Variants in DSTYK observed in about 807,000 individuals in gnomAD.
The protein encoded by DSTYK is dual serine/threonine and tyrosine protein kinase.
In DSTYK, 34 loss-of-function variants were observed where a neutral mutation model predicts 98.7. The ratio of observed to expected loss-of-function variants is 0.34; its 90% CI spans 0.26 to 0.46. The LOEUF (loss-of-function observed/expected upper bound fraction) is 0.46. Among genes scored for constraint, DSTYK ranks in the 20% least tolerant of loss-of-function variants. DSTYK has a pLI of 1.00. For missense variants in DSTYK, 962 were observed against 1,181.7 expected, an observed-to-expected ratio of 0.81 and a Z score of 2.73; for synonymous variants, 462 against 457.3, an observed-to-expected ratio of 1.01 and a Z score of -0.13.
At chr1:205,148,010 G>A (rs933356983) in intron 12 of DSTYK, among the ~76,000 whole-genome samples, 195 bp downstream of exon 12, 2 of 152,112 alleles carry the variant, frequency 1.3e-5, no homozygotes, top group African/African-American at 2.4e-5. Context: ...AAGACTTTTC[G>A]AGATAGTTCA....
In DSTYK at chr1:205,211,681, G is replaced by A. The variant is rs1659392565; in HGVS notation, c.-146C>T. 8.6e-7 allele frequency: 1 copy of A among 1,160,728 alleles called. No homozygotes were observed. Among genetic ancestry groups the A allele is most frequent in the Non-Finnish European group, 1.2e-6 (1 of 868,522 alleles). The allele number at this position is 1,160,728 out of a possible 1,614,324, so 71.9% of individuals were successfully genotyped here. A position where few individuals can be genotyped will look rare whatever the true frequency, so the allele number is the denominator to read the frequency against. On this transcript the variant is annotated 5_prime_UTR_variant, in exon 1 of 13. Coordinates refer to ENST00000367162, the MANE Select transcript of DSTYK (RefSeq NM_015375.3). ...AGCCTGGCTCCCAACCTCCGTCACT[G>A]CCGTTGCAAACAAACCAAACCGCAG...
intron 1 of DSTYK, among the ~76,000 whole-genome samples, chr1:205,191,484 T>C (rs1391999468): frequency 6.6e-6 from 1 of 152,210 alleles, no homozygotes; most frequent in Non-Finnish European, 1.5e-5. Flanking sequence ...CTTGAAATGC[T>C]CGTCGGTAAA....
At chr1:205,152,483 T>C (rs762712037) in intron 10 of DSTYK, among the ~76,000 whole-genome samples, 1 of 152,200 alleles carries the variant, frequency 6.6e-6, no homozygotes, top group Admixed American at 6.5e-5. Context: ...GGCCAGTCCA[T>C]TATAATCTTA....
In DSTYK at chr1:205,151,215, C is replaced by G. The variant is rs1657392759; in HGVS notation, c.2353-421G>C. Among the ~76,000 whole-genome samples, 4 of 152,096 alleles carry G rather than the reference C, an allele frequency of 2.6e-5. No homozygotes were observed. In the South Asian group the frequency reaches 8.3e-4, roughly 32 times the overall value. On this transcript the variant is annotated intron_variant, in intron 10 of 12. Coordinates refer to ENST00000367162, the MANE Select transcript of DSTYK (RefSeq NM_015375.3). ...GAAGTGGAAGTTGCTCTGGGTGAGT[C>G]AGTGAGTGAGTGGTGAGTGAATGTG...
chr1:205,162,846 G>T, intron 5 of DSTYK, 77 bp downstream of exon 5: 1 of 1,120,262 alleles, frequency 8.9e-7, no homozygotes, highest in Non-Finnish European at 1.4e-6. Flanking sequence ...CTAGATATCT[G>T]TTTCCTACTG....
chr1:205,165,896 C>T (rs536764606), intron 3 of DSTYK, among the ~76,000 whole-genome samples: 2 of 152,174 alleles, frequency 1.3e-5, no homozygotes, highest in African/African-American at 4.8e-5. Flanking sequence ...ATGGTGCACA[C>T]CTTTAGACCC....
intron 3 of DSTYK, among the ~76,000 whole-genome samples, chr1:205,164,570 TC>T (rs1375075541): frequency 6.6e-6 from 1 of 151,762 alleles, no homozygotes; most frequent in African/African-American, 2.4e-5. Flanking sequence ...CAAGCCATTC[TC>T]CTGCCTCAGC....
rs761772024 is a variant in DSTYK, at chr1:205,211,329, G to A, written c.207C>T (p.Gly69=). 1 of 1,611,094 alleles carries A rather than the reference G, an allele frequency of 6.2e-7. No homozygotes were observed. The highest frequency in any genetic ancestry group is 8.5e-7 in the Non-Finnish European group (1 of 1,178,886). ...HNHTCLSSLT[G]GGGAERGPAG... Reference sequence around the variant, plus strand: ...CAGGGCCGCGCTCGGCCCCGCCGCCGCCCGTGAGGGAGGAGAGACAAGTGT... The same window carrying A: ...CAGGGCCGCGCTCGGCCCCGCCGCCACCCGTGAGGGAGGAGAGACAAGTGT... Residue 69 remains glycine (G), a synonymous_variant, in exon 1 of 13, where the codon GGC becomes GGT. Transcript: ENST00000367162.
intron 3 of DSTYK, among the ~76,000 whole-genome samples, chr1:205,164,523 G>A (rs925135115): frequency 6.7e-6 from 1 of 149,668 alleles, no homozygotes; most frequent in Non-Finnish European, 1.5e-5. Flanking sequence ...GTGGAGTGAT[G>A]CAATCTCGGC....
rs761772024 is a variant in DSTYK, at chr1:205,211,329, G to T, written c.207C>A (p.Gly69=). 10 of 1,611,094 alleles carry T rather than the reference G, an allele frequency of 6.2e-6. No homozygotes were observed. In the African/African-American group the frequency reaches 9.4e-5, roughly 15 times the overall value. The part of the protein sequence containing the change: ...HNHTCLSSLT[G]GGGAERGPAG... Reference sequence around the variant, plus strand: ...CAGGGCCGCGCTCGGCCCCGCCGCCGCCCGTGAGGGAGGAGAGACAAGTGT... The same window carrying T: ...CAGGGCCGCGCTCGGCCCCGCCGCCTCCCGTGAGGGAGGAGAGACAAGTGT... The change falls in exon 1 of 13, where the codon GGC becomes GGA. Residue 69 remains glycine, a synonymous_variant. Transcript: ENST00000367162.
rs756021271 is a variant in DSTYK, at chr1:205,169,852, A to G, written c.655-20T>C. On this transcript the variant is annotated intron_variant, in intron 2 of 12. Coordinates refer to ENST00000367162, the MANE Select transcript of DSTYK (RefSeq NM_015375.3). This position sits in a 1 kb window ranked among gnomAD's most constrained non-coding sequence, Gnocchi z 4.0. ...CACTTCCTGGAAGGGGAAGGGGGTC[A>G]TATATCAGCGCCTCAGGGTCAGAAC... 1.3e-6 allele frequency: 2 copies of G among 1,593,012 alleles called. No individual in the cohort carries two copies. The highest frequency in any genetic ancestry group is 1.7e-6 in the Non-Finnish European group (2 of 1,171,134).
chr1:205,182,161 G>GTT (rs1447287391), intron 2 of DSTYK, among the ~76,000 whole-genome samples: 1 of 152,014 alleles, frequency 6.6e-6, no homozygotes. Context: ...AGCACTTTGG[G>GTT]AGGCCGAGGC....
At chr1:205,177,898 ACT>A (rs1271960435) in intron 2 of DSTYK, among the ~76,000 whole-genome samples, 1 of 151,770 alleles carries the variant, frequency 6.6e-6, no homozygotes, top group African/African-American at 2.4e-5. Context: ...AAATACCTTG[ACT>A]CTTTTTGGTA....
rs1450684140 is a variant in DSTYK, at chr1:205,161,361, T to C, written c.1845A>G (p.Leu615=). 1.2e-6 allele frequency: 2 copies of C among 1,614,060 alleles called. No homozygotes were observed. The highest frequency in any genetic ancestry group is 2.2e-5 in the East Asian group (1 of 44,894). The change falls in exon 7 of 13, where the codon TTA becomes TTG. Residue 615 remains leucine, a synonymous_variant. Coordinates refer to ENST00000367162, the MANE Select transcript of DSTYK (RefSeq NM_015375.3). ...RQLEAGHSGR[L]EKTEDLWLRV... ...TCAGCCATAGATCTTCCGTTTTCTCTAACCGGCCTGAGTGGCCAGCTTCCA... is the reference window on the plus strand; with the variant it reads ...TCAGCCATAGATCTTCCGTTTTCTCCAACCGGCCTGAGTGGCCAGCTTCCA...
Position 205,145,933 on chromosome 1 carries a change from C to T in DSTYK, c.*1625G>A, listed in dbSNP as rs1657218425. 6.6e-6 allele frequency: 1 copy of T among 152,110 alleles called. No homozygotes were observed. The highest frequency in any genetic ancestry group is 2.4e-5 in the African/African-American group (1 of 41,412). The allele number at this position is 152,110 out of a possible 1,614,324, so 9.4% of individuals were successfully genotyped here. On this transcript the variant is annotated 3_prime_UTR_variant, in exon 13 of 13. Transcript: ENST00000367162. ...ATTTAAATTGTTCCCCTTCCTCTGC[C>T]TAGAATCAGAATTTCTTTCCTCAAG...
chr1:205,187,831 G>A (rs1214989994), intron 1 of DSTYK, 25 bp from the exon 2 acceptor site: 2 of 1,573,860 alleles, frequency 1.3e-6, no homozygotes, highest in South Asian at 2.4e-5. Context: ...GGAGAGTGGA[G>A]GAAGAGAAAG....
intron 9 of DSTYK, among the ~76,000 whole-genome samples, chr1:205,159,086 A>AT (rs201378460): frequency 2.9e-4 from 44 of 151,520 alleles, no homozygotes; most frequent in Admixed American, 9.9e-4. Context: ...AATCTTTAAA[A>AT]ATTTTTTTTT....
rs543550172 is a variant in DSTYK, at chr1:205,211,337, G to C, written c.199C>G (p.Leu67Val). ...CGCTCGGCCCCGCCGCCGCCCGTGA[G>C]GGAGGAGAGACAAGTGTGGTTGTGG... ...CSHNHTCLSS[L>V]TGGGGAERGP... Residue 67 changes from leucine (L) to valine (V), a missense_variant, in exon 1 of 13, where the codon CTC (leucine) becomes GTC (valine). Coordinates refer to ENST00000367162, the MANE Select transcript of DSTYK (RefSeq NM_015375.3). 3 of 1,611,686 alleles carry C rather than the reference G, an allele frequency of 1.9e-6. No individual in the cohort carries two copies. Among genetic ancestry groups the C allele is most frequent in the African/African-American group, 2.7e-5 (2 of 74,738 alleles).
intron 2 of DSTYK, among the ~76,000 whole-genome samples, chr1:205,177,695 T>C (rs1658272622): frequency 6.6e-6 from 1 of 151,798 alleles, no homozygotes; most frequent in Non-Finnish European, 1.5e-5. Flanking sequence ...ACTGAAACCT[T>C]ATCTCTACTA....
Sources: allele counts gnomAD v4.1 joint callset (sites outside exome capture counted in the v4.1 genomes callset), GRCh38; gene constraint gnomAD v4.1.1; non-coding constraint Gnocchi (gnomAD v3.1); transcripts MANE v1.5; gene names NCBI Gene and HGNC (gene_info 2026-07-23, HGNC 2026-07-21).